The following PDE4B variants were observed in gnomAD, a reference collection of about 807,000 sequenced individuals.
The protein encoded by PDE4B is 3',5'-cyclic-AMP phosphodiesterase 4B.
A neutral mutation model predicts 82.2 loss-of-function variants in PDE4B; 20 were observed. The ratio of observed to expected loss-of-function variants is 0.24; its 90% CI spans 0.17 to 0.35. PDE4B has a LOEUF of 0.35. PDE4B is among the 10% of genes least tolerant of loss of function. The probability of loss-of-function intolerance (pLI) is 1.00; values close to 1 mark genes in which losing one functional copy is unlikely to be tolerated. For synonymous variants in PDE4B, 320 were observed against 318.9 expected (o/e 1.00, Z -0.04); for missense variants, 655 against 907.2 (o/e 0.72, Z 3.57).
intron 3 of PDE4B, among the ~76,000 whole-genome samples, chr1:66,022,940 G>A (rs1210861268): frequency 6.6e-6 from 1 of 152,066 alleles, no homozygotes; most frequent in Non-Finnish European, 1.5e-5. Context: ...TCTGGTCCTG[G>A]ACTTTTTTTC....
At chr1:65,996,355 T>TC (rs1034967092) in intron 3 of PDE4B, among the ~76,000 whole-genome samples, 1 of 151,456 alleles carries the variant, frequency 6.6e-6, no homozygotes, top group African/African-American at 2.4e-5. Context: ...TAATCTTTTT[T>TC]CCCCTCAGTG....
intron 3 of PDE4B, among the ~76,000 whole-genome samples, chr1:66,076,662 G>A (rs12138629): frequency 0.16 from 24,187 of 152,106 alleles, 2,646 homozygotes; most frequent in Non-Finnish European, 0.23. Context: ...CTCTGCAGCC[G>A]TGCCAGCATC....
intron 7 of PDE4B, among the ~76,000 whole-genome samples, chr1:66,297,124 C>T (rs1377985878): frequency 1.3e-5 from 2 of 152,026 alleles, no homozygotes; most frequent in Non-Finnish European, 2.9e-5. Flanking sequence ...ATATTAGACT[C>T]ACACAGATTC....
chr1:65,929,426 C>A (rs1231756418), intron 3 of PDE4B, among the ~76,000 whole-genome samples: 1 of 152,186 alleles, frequency 6.6e-6, no homozygotes. Context: ...GGGTCCCATT[C>A]TTTTCCAATC....
intron 3 of PDE4B, among the ~76,000 whole-genome samples, chr1:65,984,178 A>G (rs1342642858): frequency 2.6e-5 from 4 of 152,240 alleles, no homozygotes; most frequent in Non-Finnish European, 5.9e-5. Context: ...TAATAAATGT[A>G]CATCTTAGCT....
intron 3 of PDE4B, among the ~76,000 whole-genome samples, chr1:66,073,492 A>C (rs994259141): frequency 2.6e-5 from 4 of 152,050 alleles, no homozygotes; most frequent in Non-Finnish European, 4.4e-5. Context: ...AGGTACTAGC[A>C]GTCTTAGGAG....
intron 3 of PDE4B, among the ~76,000 whole-genome samples, chr1:65,996,542 A>C (rs570412053): frequency 6.6e-6 from 1 of 152,212 alleles, no homozygotes; most frequent in African/African-American, 2.4e-5. Flanking sequence ...CTATATTTTA[A>C]GTTTTTTACT....
At chr1:66,279,612 C>T (rs1457204071) in intron 7 of PDE4B, among the ~76,000 whole-genome samples, 1 of 141,170 alleles carries the variant, frequency 7.1e-6, no homozygotes, top group African/African-American at 2.6e-5. Flanking sequence ...GACTCTGTCT[C>T]AAAAAAAAAA....
chr1:66,360,314 G>A (rs1423965218), intron 9 of PDE4B: 1 of 151,172 alleles, frequency 6.6e-6, no homozygotes, highest in Non-Finnish European at 1.5e-5. Flanking sequence ...GAGAGCAGGT[G>A]AGGTATACCA....
intron 3 of PDE4B, among the ~76,000 whole-genome samples, chr1:66,007,289 C>G: frequency 6.6e-6 from 1 of 151,896 alleles, no homozygotes; most frequent in Non-Finnish European, 1.5e-5. Context: ...TAATAAAATG[C>G]AAAAATTAGC....
chr1:66,117,470 C>A (rs1557573893), intron 3 of PDE4B, among the ~76,000 whole-genome samples: 1 of 152,032 alleles, frequency 6.6e-6, no homozygotes, highest in Admixed American at 6.6e-5. Flanking sequence ...GGGAAGGTAA[C>A]TTTTAATACT....
chr1:66,306,451 T>G (rs1383907801), intron 7 of PDE4B, among the ~76,000 whole-genome samples: 2 of 152,086 alleles, frequency 1.3e-5, no homozygotes, highest in Non-Finnish European at 2.9e-5. Flanking sequence ...GGGCACTGAA[T>G]GCAATAGATA....
intron 3 of PDE4B, among the ~76,000 whole-genome samples, chr1:66,246,631 G>A (rs755806894): frequency 6.6e-6 from 1 of 152,318 alleles, no homozygotes; most frequent in East Asian, 1.9e-4. Flanking sequence ...TACCAGGAGC[G>A]TGGATACAGA....
chr1:66,159,127 T>C (rs1646558649), intron 3 of PDE4B, among the ~76,000 whole-genome samples: 1 of 152,198 alleles, frequency 6.6e-6, no homozygotes, highest in African/African-American at 2.4e-5. Flanking sequence ...ATGTTTTAAG[T>C]GGTGAATGTG....
rs114678649 is a variant in PDE4B, at chr1:65,983,648, G to A, written c.281+64813G>A. 3.0e-3 allele frequency among the ~76,000 whole-genome samples: 452 copies of A among 152,224 alleles called. 3 individuals carry two copies. The highest frequency in any genetic ancestry group is 0.01 in the African/African-American group (423 of 41,548). The stretch of plus-strand genomic sequence containing the variant: ...GAGAAGGCAGCCATCTATAAGCCAC[G>A]GAGAAAGGCCTGCAACATATTCTTC... On this transcript the variant is annotated intron_variant, in intron 3 of 16. Transcript: ENST00000341517.
In PDE4B at chr1:65,864,105, A is replaced by G. The variant is rs1646484051; in HGVS notation, c.-70-49140A>G. 2.6e-5 allele frequency among the ~76,000 whole-genome samples: 4 copies of G among 151,864 alleles called. No homozygotes were observed. In the South Asian group the frequency reaches 8.3e-4, roughly 32 times the overall value. ...TCTTGTCTTTATACCTTATTTCAGT[A>G]AGTTGATCTTCAATCTCTGATATTC... On this transcript the variant is annotated intron_variant, in intron 1 of 16. Transcript: ENST00000341517.
intron 8 of PDE4B, among the ~76,000 whole-genome samples, chr1:66,349,001 A>G (rs1330844622): frequency 6.6e-6 from 1 of 152,168 alleles, no homozygotes; most frequent in East Asian, 1.9e-4. Context: ...AATGTGTGTT[A>G]TATCATCTCT....
intron 1 of PDE4B, among the ~76,000 whole-genome samples, chr1:65,912,669 G>A (rs2100456904): frequency 6.6e-6 from 1 of 152,298 alleles, no homozygotes; most frequent in Non-Finnish European, 1.5e-5. Flanking sequence ...ATAGACATAT[G>A]AGAGATTTAA....
intron 1 of PDE4B, among the ~76,000 whole-genome samples, chr1:65,908,721 G>A (rs1356401890): frequency 6.6e-6 from 1 of 152,076 alleles, no homozygotes; most frequent in Non-Finnish European, 1.5e-5. Context: ...GCCAGTGGGG[G>A]TGGAACTGAA....
Sources: allele counts gnomAD v4.1 joint callset (sites outside exome capture counted in the v4.1 genomes callset), GRCh38; gene constraint gnomAD v4.1.1; transcripts MANE v1.5; gene names NCBI Gene and HGNC (gene_info 2026-07-23, HGNC 2026-07-21).